The following PPP4R4 variants were observed in gnomAD, a reference collection of about 807,000 sequenced individuals.
PPP4R4 encodes protein phosphatase 4 regulatory subunit 4.
A neutral mutation model predicts 121.8 loss-of-function variants in PPP4R4; 70 were observed. That is an observed-to-expected ratio of 0.57 (90% CI 0.47 to 0.70). The LOEUF is 0.70. Ranked by LOEUF, PPP4R4 falls within the 30% of genes least tolerant of loss-of-function variation. The pLI, the probability that PPP4R4 is intolerant of heterozygous loss-of-function variation, is 0.00. For synonymous variants in PPP4R4, 348 were observed against 355.7 expected (o/e 0.98, Z 0.24); for missense variants, 875 against 1,033.6 (o/e 0.85, Z 2.10).
In PPP4R4 at chr14:94,265,848, C is replaced by G. The variant is rs936953842; in HGVS notation, c.2339C>G (p.Ala780Gly). 1.5e-5 allele frequency: 24 copies of G among 1,608,612 alleles called. No homozygotes were observed. The highest frequency in any genetic ancestry group is 2.0e-5 in the Non-Finnish European group (23 of 1,176,292). The change falls in exon 22 of 25, where the codon GCT becomes GGT. Residue 780 changes from alanine (A) to glycine (G), a missense_variant. Physicochemically the swap from Ala to Gly is moderately conservative, Grantham distance 60. Coordinates refer to ENST00000304338, the MANE Select transcript of PPP4R4 (RefSeq NM_058237.2). ...LIRSQSFNNQ[A>G]FHAKYGNLEK... ...CGAAGCCAGTCTTTTAATAATCAAG[C>G]TTTTCATGCAAAATATGGCAACTTA...
intron 2 of PPP4R4, among the ~76,000 whole-genome samples, chr14:94,190,837 C>T (rs570561450): frequency 8.6e-5 from 13 of 150,546 alleles, no homozygotes; most frequent in Non-Finnish European, 1.3e-4. Flanking sequence ...TTCCCTTTTA[C>T]TCTATGCAAA....
intron 23 of PPP4R4, among the ~76,000 whole-genome samples, chr14:94,268,198 G>T (rs920234829): frequency 2.6e-5 from 4 of 152,176 alleles, no homozygotes; most frequent in Admixed American, 6.5e-5. Context: ...AAAAATTTTA[G>T]TGTACAAAAC....
intron 2 of PPP4R4, among the ~76,000 whole-genome samples, chr14:94,184,399 C>CA (rs144069659): frequency 0.11 from 17,479 of 151,998 alleles, 1,190 homozygotes; most frequent in African/African-American, 0.19. Context: ...GCTGAGACTA[C>CA]AGGCACTAGC....
intron 3 of PPP4R4, among the ~76,000 whole-genome samples, chr14:94,225,360 G>A (rs1016264214): frequency 3.1e-4 from 47 of 151,994 alleles, no homozygotes; most frequent in Middle Eastern, 3.4e-3. Flanking sequence ...GCCTGGGGGT[G>A]TTTGCTGATT....
chr14:94,278,542 AT>A (rs1894763592), intron 24 of PPP4R4, 76 bp from the exon 25 acceptor site: 27 of 884,926 alleles, frequency 3.1e-5, no homozygotes, highest in South Asian at 7.1e-5. Flanking sequence ...CATTTTTCAT[AT>A]TTTTTTCTTT....
intron 20 of PPP4R4, among the ~76,000 whole-genome samples, 179 bp from the exon 21 acceptor site, chr14:94,265,208 A>G (rs1341200182): frequency 1.3e-5 from 2 of 152,228 alleles, no homozygotes; most frequent in Non-Finnish European, 2.9e-5. Flanking sequence ...TAAGATTGTG[A>G]AATTGATCAC....
chr14:94,271,299 A>C (rs929689890), intron 23 of PPP4R4, among the ~76,000 whole-genome samples: 1 of 152,198 alleles, frequency 6.6e-6, no homozygotes, highest in Non-Finnish European at 1.5e-5. Context: ...ACAATATATA[A>C]AAAGAATTAT....
chr14:94,239,405 G>A (rs1289550670), intron 8 of PPP4R4, among the ~76,000 whole-genome samples: 2 of 133,518 alleles, frequency 1.5e-5, no homozygotes, highest in Non-Finnish European at 1.5e-5. Flanking sequence ...GTGTCCAAGT[G>A]TTCTCATTGT....
At chr14:94,227,769 T>C in intron 3 of PPP4R4, 1 of 992,364 alleles carries the variant, frequency 1.0e-6, no homozygotes, top group Non-Finnish European at 1.2e-6. Context: ...GGAATGTACG[T>C]TGTGGCCCTC....
intron 2 of PPP4R4, among the ~76,000 whole-genome samples, chr14:94,179,345 C>A (rs1160507224): frequency 6.6e-6 from 1 of 152,180 alleles, no homozygotes; most frequent in Non-Finnish European, 1.5e-5. Context: ...TGACTGACTT[C>A]TTTCACTTAG....
At chr14:94,175,038 G>C (rs984180808) in intron 1 of PPP4R4, among the ~76,000 whole-genome samples, 1 of 142,078 alleles carries the variant, frequency 7.0e-6, no homozygotes, top group Admixed American at 7.6e-5. Flanking sequence ...CCTCTCCTGG[G>C]CTCCCCAACC....
chr14:94,194,779 T>C (rs994634), intron 2 of PPP4R4, among the ~76,000 whole-genome samples: 19,258 of 152,148 alleles, frequency 0.13, 1,356 homozygotes, highest in Admixed American at 0.21. Context: ...ATACTTGGTT[T>C]ATTTATACTG....
chr14:94,274,877 GA>G (rs990058163), intron 23 of PPP4R4, among the ~76,000 whole-genome samples: 1 of 151,870 alleles, frequency 6.6e-6, no homozygotes, highest in African/African-American at 2.4e-5. Flanking sequence ...ATAAAAACTG[GA>G]AAAAAATAGA....
rs1281959688 is a variant in PPP4R4, at chr14:94,218,455, T to C, written c.294+9889T>C. Among the ~76,000 whole-genome samples, 8 of 85,784 alleles carry C rather than the reference T, an allele frequency of 9.3e-5. 1 individual carries two copies. Among genetic ancestry groups the C allele is most frequent in the African/African-American group, 3.7e-4 (8 of 21,364 alleles). 56.3% of individuals were successfully genotyped at this position (85,784 alleles called of 152,430 possible). ...GCGCACACACACACACCCTCACCCCTAGACACCGCACGCGCGCACACACAC... is the reference window on the plus strand; with the variant it reads ...GCGCACACACACACACCCTCACCCCCAGACACCGCACGCGCGCACACACAC... On this transcript the variant is annotated intron_variant, in intron 3 of 24. Transcript: ENST00000304338.
intron 2 of PPP4R4, among the ~76,000 whole-genome samples, chr14:94,190,256 T>C (rs1410114108): frequency 6.6e-6 from 1 of 152,170 alleles, no homozygotes; most frequent in Non-Finnish European, 1.5e-5. Flanking sequence ...GGGTTGGCAG[T>C]ATGTTATCTT....
At position 94,258,823 on chromosome 14, in the gene PPP4R4, C is replaced by T; in HGVS notation, c.2051C>T (p.Ala684Val). The part of the protein sequence containing the change: ...ELDRMEMSMD[A>V]FQKKFYEKDL... ...GACAGAATGGAAATGTCTATGGATG[C>T]TGTAAGTATACTCTCTTTACCTTAT... Residue 684 changes from alanine (A) to valine (V), a missense_variant and splice_region_variant, in exon 18 of 25, where the codon GCT (alanine) becomes GTT (valine). Transcript: ENST00000304338. The T allele has an allele frequency of 1.9e-6, 3 of 1,587,744 alleles. No homozygotes were observed. Among genetic ancestry groups the T allele is most frequent in the Non-Finnish European group, 2.6e-6 (3 of 1,157,272 alleles).
intron 3 of PPP4R4, among the ~76,000 whole-genome samples, chr14:94,230,182 A>G (rs532442735): frequency 2.0e-5 from 3 of 152,298 alleles, no homozygotes; most frequent in South Asian, 4.1e-4. Context: ...TTGAAACACA[A>G]ATACAAATAA....
rs1894819977 is a variant in PPP4R4 at position 94,279,554 on chromosome 14, C to A, written c.*911C>A. On this transcript the variant is annotated 3_prime_UTR_variant, in exon 25 of 25. Coordinates refer to ENST00000304338, the MANE Select transcript of PPP4R4 (RefSeq NM_058237.2). ...CCGTGTGAAGCTATTGTCAGCTTCT[C>A]TATTTCAAAATGCAATCAGCATATA... The A allele has an allele frequency of 6.6e-6, 1 of 152,426 alleles. No homozygotes were observed. The highest frequency in any genetic ancestry group is 2.1e-4 in the South Asian group (1 of 4,832). The allele number at this position is 152,426 out of a possible 1,614,324, so 9.4% of individuals were successfully genotyped here.
At chr14:94,245,175 G>C (rs1220039153) in intron 12 of PPP4R4, among the ~76,000 whole-genome samples, 1 of 151,952 alleles carries the variant, frequency 6.6e-6, no homozygotes, top group Non-Finnish European at 1.5e-5. Flanking sequence ...ACTTTATTTT[G>C]ATGCTATATT....
Sources: gnomAD v4.1 joint callset for allele counts (sites outside exome capture counted in the v4.1 genomes callset) on GRCh38, gnomAD v4.1.1 for gene constraint, MANE v1.5 for transcripts, NCBI Gene and HGNC (gene_info 2026-07-23, HGNC 2026-07-21) for gene names.